Variants in HPS4 observed in about 807,000 individuals in gnomAD.
HPS4 encodes HPS4 biogenesis of lysosomal organelles complex 3 subunit 2, also known as BLOC-3 complex member HPS4.
A neutral mutation model predicts 70.3 loss-of-function variants in HPS4; 44 were observed. The observed-to-expected ratio is 0.63, with a 90% CI of 0.49 to 0.80. HPS4 has a LOEUF of 0.80. Ranked by LOEUF, HPS4 falls within the 30% of genes least tolerant of loss-of-function variation. The probability of loss-of-function intolerance (pLI) is 0.00; values close to 1 mark genes in which losing one functional copy is unlikely to be tolerated. For synonymous variants in HPS4, 377 were observed against 355.9 expected (o/e 1.06, Z -0.67); for missense variants, 873 against 884.4 (o/e 0.99, Z 0.16).
At chr22:26,479,392 A>C (rs2091020623) in intron 2 of HPS4, 37 bp from the exon 3 acceptor site, 5 of 1,610,024 alleles carry the variant, frequency 3.1e-6, no homozygotes, top group Non-Finnish European at 4.2e-6. Flanking sequence ...GTTTCCTTTA[A>C]TCCAGTGATC....
intron 13 of HPS4, 27 bp from the exon 14 acceptor site, chr22:26,453,431 G>T (rs777195255): frequency 6.2e-7 from 1 of 1,612,168 alleles, no homozygotes; most frequent in Non-Finnish European, 8.5e-7. Flanking sequence ...GAAGGCAACG[G>T]TCCAATGCTG....
At position 26,470,360 on chromosome 22, in the gene HPS4, G is replaced by A. The variant is rs374762175; in HGVS notation, c.596+359C>T. On this transcript the variant is annotated intron_variant, in intron 7 of 13. Transcript: ENST00000398145. ...CAGGGTCTCTGGGCAGCAGGAGGAG[G>A]GTCACAGCAGGCCCCTTCCATGCCT... Among the ~76,000 whole-genome samples, 11 of 152,368 alleles carry A rather than the reference G, an allele frequency of 7.2e-5. No homozygotes were observed. In the East Asian group the frequency reaches 1.3e-3, roughly 19 times the overall value.
rs753115022 is a variant in HPS4, at chr22:26,451,994, G to GCACACACACACACACACACACA, written c.*1238_*1239insTGTGTGTGTGTGTGTGTGTGTG. 1 of 71,270 alleles carries GCACACACACACACACACACACA rather than the reference G, an allele frequency of 1.4e-5. No homozygotes were observed. The highest frequency in any genetic ancestry group is 1.6e-4 in the Admixed American group (1 of 6,268). The allele number at this position is 71,270 out of a possible 1,614,324, so 4.4% of individuals were successfully genotyped here. On this transcript the variant is annotated 3_prime_UTR_variant, in exon 14 of 14. Transcript: ENST00000398145. ...AGGGATGCGCCCACGTTACGCGCGCGCGCGCGCGCGCACACACACACACAC... is the reference window on the plus strand; with the variant it reads ...AGGGATGCGCCCACGTTACGCGCGCGCACACACACACACACACACACACGCGCGCGCGCACACACACACACAC...
intron 4 of HPS4, among the ~76,000 whole-genome samples, chr22:26,473,876 C>T (rs935786036): frequency 2.6e-5 from 4 of 152,156 alleles, no homozygotes; most frequent in African/African-American, 9.7e-5. Flanking sequence ...GATATTTAAA[C>T]TAATAAACCC....
In HPS4 at chr22:26,453,310, T is replaced by G. The variant is rs768058057; in HGVS notation, c.2050A>C (p.Asn684His). The G allele has an allele frequency of 1.7e-5, 28 of 1,614,026 alleles. No individual in the cohort carries two copies. The African/African-American group carries it at 3.5e-4, about 20-fold the overall frequency. The part of the protein sequence containing the change: ...APAARSSGFP[N>H]PQDGAFSLSG... ...AGGCTGAAGGCGCCATCCTGAGGGT[T>G]TGGGAAGCCGGAGCTCCGTGCTGCA... The change falls in exon 14 of 14, where the codon AAC becomes CAC. Residue 684 changes from asparagine (N) to histidine (H), a missense_variant. Asn to His is a moderately conservative substitution (Grantham distance 68). Transcript: ENST00000398145.
intron 8 of HPS4, 147 bp downstream of exon 8, chr22:26,468,404 G>C: frequency 2.8e-6 from 2 of 725,720 alleles, no homozygotes; most frequent in Non-Finnish European, 5.0e-6. Context: ...CACTACTGAG[G>C]AGAATGACAT....
At chr22:26,464,880 G>C in intron 10 of HPS4, 54 bp from the exon 11 acceptor site, 1 of 1,503,192 alleles carries the variant, frequency 6.7e-7, no homozygotes, top group East Asian at 2.2e-5. Context: ...TGCAGGGCAA[G>C]TGCCCTTCCA....
intron 2 of HPS4, among the ~76,000 whole-genome samples, chr22:26,480,570 A>G (rs983117446): frequency 6.6e-6 from 1 of 152,084 alleles, no homozygotes; most frequent in Non-Finnish European, 1.5e-5. Flanking sequence ...CCCTGGATCT[A>G]TGCCCTCTCT....
intron 11 of HPS4, among the ~76,000 whole-genome samples, chr22:26,460,992 T>C (rs978934296): frequency 2.6e-5 from 4 of 152,258 alleles, no homozygotes; most frequent in African/African-American, 4.8e-5. Context: ...ATTTGCTTTC[T>C]GGTCCTTTAC....
chr22:26,465,957 A>G (rs1294007945), intron 9 of HPS4: 2 of 1,112,696 alleles, frequency 1.8e-6, no homozygotes, highest in Non-Finnish European at 2.6e-6. Flanking sequence ...CCCAATCACA[A>G]TCTCCTGGCA....
intron 4 of HPS4, among the ~76,000 whole-genome samples, chr22:26,473,578 C>G (rs1440172577): frequency 6.6e-6 from 1 of 152,130 alleles, no homozygotes; most frequent in South Asian, 2.1e-4. Context: ...CATGGTGAAA[C>G]CCCGTCTCTA....
chr22:26,461,542 C>A (rs1272484044), intron 11 of HPS4, among the ~76,000 whole-genome samples: 2 of 152,144 alleles, frequency 1.3e-5, no homozygotes, highest in African/African-American at 2.4e-5. Context: ...GGAAGCTGAT[C>A]CACCCAAAGA....
intron 11 of HPS4, 79 bp downstream of exon 11, chr22:26,463,838 G>T: frequency 1.4e-6 from 2 of 1,453,736 alleles, no homozygotes; most frequent in Non-Finnish European, 1.9e-6. Flanking sequence ...TTCCCTGGGT[G>T]TTGGCACAGT....
intron 13 of HPS4, chr22:26,453,928 G>A (rs1034966020): frequency 2.8e-5 from 5 of 180,474 alleles, no homozygotes; most frequent in Non-Finnish European, 5.9e-5. Context: ...AGACTGAGAG[G>A]GAGTGAAGGA....
Position 26,464,294 on chromosome 22 carries a change from G to A in HPS4, c.1336C>T (p.His446Tyr). ...GGGGCTTGGCTGCTATGGCCAGGAT[G>A]GTCTTCGAGCTGCTCTTGGGCTCCA... is the stretch of plus-strand genomic sequence containing the variant. ...QHGAQEQLED[H>Y]PGHSSQAPIP... Residue 446 changes from histidine (H) to tyrosine (Y), a missense_variant, in exon 11 of 14, where the codon CAT becomes TAT. Coordinates refer to ENST00000398145, the MANE Select transcript of HPS4 (RefSeq NM_022081.6). The A allele has an allele frequency of 6.2e-7, 1 of 1,614,074 alleles. No individual in the cohort carries two copies. The highest frequency in any genetic ancestry group is 1.1e-5 in the South Asian group (1 of 91,086).
At position 26,464,619 on chromosome 22, in the gene HPS4, C is replaced by T. The variant is rs746693127; in HGVS notation, c.1011G>A (p.Arg337=). ...CLSGHDLESI[R]PAGLHNSARG... ...TGGCAGAGTTGTGCAGTCCTGCGGG[C>T]CTGATGCTCTCCAGATCATGGCCAG... The change falls in exon 11 of 14, where the codon AGG becomes AGA. Residue 337 remains arginine (R), a synonymous_variant. Transcript: ENST00000398145. 3.1e-6 allele frequency: 5 copies of T among 1,614,092 alleles called. No individual in the cohort carries two copies. Among genetic ancestry groups the T allele is most frequent in the Middle Eastern group, 1.6e-4 (1 of 6,084 alleles).
chr22:26,468,405 A>T (rs2089122092), intron 8 of HPS4, 146 bp downstream of exon 8: 2 of 727,200 alleles, frequency 2.8e-6, no homozygotes, highest in Non-Finnish European at 2.5e-6. Context: ...ACTACTGAGG[A>T]GAATGACATT....
intron 13 of HPS4, among the ~76,000 whole-genome samples, chr22:26,454,807 G>A (rs1361558512): frequency 6.6e-6 from 1 of 152,140 alleles, no homozygotes; most frequent in Non-Finnish European, 1.5e-5. Context: ...CTACAGAACG[G>A]GAGAAAATTT....
At chr22:26,471,248 A>G (rs2089755105) in intron 6 of HPS4, 3 of 414,218 alleles carry the variant, frequency 7.2e-6, no homozygotes, top group South Asian at 5.4e-5. Flanking sequence ...CACAATCCCC[A>G]TGGTGATACA....
Sources: allele counts gnomAD v4.1 joint callset (sites outside exome capture counted in the v4.1 genomes callset), GRCh38; gene constraint gnomAD v4.1.1; transcripts MANE v1.5; gene names NCBI Gene and HGNC (gene_info 2026-07-23, HGNC 2026-07-21).